Variants in ADAMTS5 observed in about 807,000 individuals in gnomAD.
The protein encoded by ADAMTS5 is ADAM metallopeptidase with thrombospondin type 1 motif 5, also known as A disintegrin and metalloproteinase with thrombospondin motifs 5.
Under a neutral mutation model 81.4 loss-of-function variants are expected in ADAMTS5, and 54 were observed. The observed-to-expected ratio is 0.66, with a 90% CI of 0.53 to 0.83. The LOEUF (loss-of-function observed/expected upper bound fraction) is 0.83. Ranked by LOEUF, ADAMTS5 falls within the 40% of genes least tolerant of loss-of-function variation. The pLI, the probability that ADAMTS5 is intolerant of heterozygous loss-of-function variation, is 0.00. For synonymous variants in ADAMTS5, 532 were observed against 508.8 expected (o/e 1.05, Z -0.61); for missense variants, 1,194 against 1,229.9 (o/e 0.97, Z 0.44).
At chr21:26,956,588 T>A (rs1417994991) in intron 1 of ADAMTS5, among the ~76,000 whole-genome samples, 1 of 152,196 alleles carries the variant, frequency 6.6e-6, no homozygotes, top group Non-Finnish European at 1.5e-5. Context: ...ATCATTTCAC[T>A]ATCTCTAGGA....
intron 7 of ADAMTS5, among the ~76,000 whole-genome samples, chr21:26,927,464 T>C (rs144998268): frequency 5.9e-5 from 9 of 152,304 alleles, no homozygotes; most frequent in African/African-American, 2.2e-4. Context: ...TGCTCATTAA[T>C]AGCAGAAAGT....
rs1282907797 is a variant in ADAMTS5 at position 26,965,517 on chromosome 21, A to G, written c.875T>C (p.Leu292Pro). The G allele has an allele frequency of 6.2e-7, 1 of 1,614,170 alleles. No individual in the cohort carries two copies. The highest frequency in any genetic ancestry group is 1.1e-5 in the South Asian group (1 of 91,090). The change falls in exon 1 of 8, where the codon CTG (leucine) becomes CCG (proline). Residue 292 changes from leucine (L) to proline (P), a missense_variant. Physicochemically the swap from Leu to Pro is moderately conservative, Grantham distance 98. This residue lies in a region of ADAMTS5 where 696 missense variants were observed against 817.6 expected (regional missense o/e 0.85). Coordinates refer to ENST00000284987, the MANE Select transcript of ADAMTS5 (RefSeq NM_007038.5). ...LYGRGLQHYLLTLASIANRLY... is the reference protein window; with the variant it reads ...LYGRGLQHYLPTLASIANRLY... Reference sequence around the variant, plus strand: ...CCTATTGGCGATGGAGGCCAGGGTCAGCAGGTAATGCTGCAGGCCCCGGCC... The same window carrying G: ...CCTATTGGCGATGGAGGCCAGGGTCGGCAGGTAATGCTGCAGGCCCCGGCC...
At chr21:26,927,757 C>G (rs1400222551) in intron 7 of ADAMTS5, among the ~76,000 whole-genome samples, 1 of 151,894 alleles carries the variant, frequency 6.6e-6, no homozygotes, top group African/African-American at 2.4e-5. Flanking sequence ...GATTGAGGAG[C>G]AAAGGATCCA....
At chr21:26,964,162 A>C (rs973147218) in intron 1 of ADAMTS5, among the ~76,000 whole-genome samples, 1 of 152,186 alleles carries the variant, frequency 6.6e-6, no homozygotes, top group Non-Finnish European at 1.5e-5. Context: ...TGGGTCTCAA[A>C]TACTTAAAGA....
intron 2 of ADAMTS5, among the ~76,000 whole-genome samples, chr21:26,947,727 G>T (rs561039189): frequency 1.2e-4 from 18 of 152,200 alleles, no homozygotes; most frequent in Admixed American, 3.3e-4. Context: ...GAACCACTGC[G>T]CCCGATCAGA....
chr21:26,961,039 G>A (rs1202709619), intron 1 of ADAMTS5, among the ~76,000 whole-genome samples: 1 of 152,174 alleles, frequency 6.6e-6, no homozygotes, highest in African/African-American at 2.4e-5. Context: ...TAAGAAAGGG[G>A]CTACTTTTTA....
At chr21:26,949,028 G>A (rs1987267761) in intron 2 of ADAMTS5, among the ~76,000 whole-genome samples, 1 of 152,118 alleles carries the variant, frequency 6.6e-6, no homozygotes. Context: ...ATTAGAATAT[G>A]TGCTTGACAT....
At position 26,952,278 on chromosome 21, in the gene ADAMTS5, C is replaced by T. The variant is rs77046146; in HGVS notation, c.1237+2461G>A. Among the ~76,000 whole-genome samples, 348 of 152,344 alleles carry T rather than the reference C, an allele frequency of 2.3e-3. 3 individuals are homozygous for T. The highest frequency in any genetic ancestry group is 7.0e-3 in the African/African-American group (293 of 41,586). On this transcript the variant is annotated intron_variant, in intron 2 of 7. Transcript: ENST00000284987. ...TTTCATACAGAAGCCCACCTTTCTC[C>T]TACGTTGTTTCCTTGTATAACTATG... is the stretch of plus-strand genomic sequence containing the variant.
intron 3 of ADAMTS5, among the ~76,000 whole-genome samples, chr21:26,936,432 C>T (rs1987015140): frequency 2.0e-5 from 3 of 152,128 alleles, no homozygotes; most frequent in African/African-American, 7.2e-5. Flanking sequence ...AGATGTACTA[C>T]AGTTATTCTT....
intron 2 of ADAMTS5, among the ~76,000 whole-genome samples, chr21:26,948,539 A>G (rs1436554919): frequency 1.3e-5 from 2 of 152,226 alleles, no homozygotes; most frequent in Non-Finnish European, 2.9e-5. Context: ...AACTGCTCAC[A>G]TGGAATCAGA....
intron 2 of ADAMTS5, among the ~76,000 whole-genome samples, chr21:26,949,374 C>T (rs917612770): frequency 6.6e-6 from 1 of 151,734 alleles, no homozygotes; most frequent in African/African-American, 2.4e-5. Context: ...TTATTTATTA[C>T]TTATTTATTT....
chr21:26,964,190 A>C (rs960019767), intron 1 of ADAMTS5, among the ~76,000 whole-genome samples: 8 of 152,186 alleles, frequency 5.3e-5, no homozygotes, highest in African/African-American at 1.9e-4. Flanking sequence ...TTAGAAGTCA[A>C]TTCTTACCAG....
chr21:26,954,928 C>T (rs939845790), intron 1 of ADAMTS5, 57 bp from the exon 2 acceptor site: 1 of 1,593,288 alleles, frequency 6.3e-7, no homozygotes, highest in South Asian at 1.1e-5. Flanking sequence ...AAGGAGCCGC[C>T]ACATAGAGCC....
chr21:26,939,807 C>T (rs1225986696), intron 3 of ADAMTS5: 1 of 152,184 alleles, frequency 6.6e-6, no homozygotes, highest in African/African-American at 2.4e-5. Flanking sequence ...TTTGCCAGTG[C>T]TTACCTTTAT....
chr21:26,966,482 A>C lies in ADAMTS5; in HGVS notation c.-91T>G. On this transcript the variant is annotated 5_prime_UTR_variant, in exon 1 of 8. Coordinates refer to ENST00000284987, the MANE Select transcript of ADAMTS5 (RefSeq NM_007038.5). ...AGTTAACGGGGCGGGGGATGGGGAC[A>C]CACACACACTTGCTTGCAGGATTGA... 1 of 1,277,018 alleles carries C rather than the reference A, an allele frequency of 7.8e-7. No homozygotes were observed. Among genetic ancestry groups the C allele is most frequent in the Non-Finnish European group, 1.0e-6 (1 of 987,790 alleles). The allele number at this position is 1,277,018 out of a possible 1,614,324, so 79.1% of individuals were successfully genotyped here. A position where few individuals can be genotyped will look rare whatever the true frequency, so the allele number is the denominator to read the frequency against.
rs1370596455 is a variant in ADAMTS5, at chr21:26,966,793, A to G, written c.-402T>C. 3.3e-5 allele frequency among the ~76,000 whole-genome samples: 5 copies of G among 152,144 alleles called. No individual in the cohort carries two copies. Among genetic ancestry groups the G allele is most frequent in the Non-Finnish European group, 7.4e-5 (5 of 68,022 alleles). On this transcript the variant is annotated 5_prime_UTR_variant, in exon 1 of 8. Transcript: ENST00000284987. ...AAAGGTACCGCGCACCGGGCTGGCA[A>G]CTGGTGCGCGCAGCCTCCCGCCCCC...
intron 6 of ADAMTS5, 122 bp downstream of exon 6, chr21:26,931,882 C>T (rs1986913712): frequency 4.2e-6 from 4 of 943,904 alleles, no homozygotes; most frequent in Non-Finnish European, 6.0e-6. Context: ...AAAATAAAAA[C>T]CTTCCAAAAT....
At chr21:26,936,842 C>A (rs187642534) in intron 3 of ADAMTS5, among the ~76,000 whole-genome samples, 1 of 152,078 alleles carries the variant, frequency 6.6e-6, no homozygotes, top group Non-Finnish European at 1.5e-5. Context: ...CAGAACTCCA[C>A]GAAAAACATT....
At position 26,921,169 on chromosome 21, in the gene ADAMTS5, C is replaced by G. The variant is rs1258006802; in HGVS notation, c.*2884G>C. ...AAATTACTTTTTTTCAGTGCTGCAACTTTTTTTTTGTTTGTGATTTATCCC... is the reference window on the plus strand; with the variant it reads ...AAATTACTTTTTTTCAGTGCTGCAAGTTTTTTTTTGTTTGTGATTTATCCC... On this transcript the variant is annotated 3_prime_UTR_variant, in exon 8 of 8. Coordinates refer to ENST00000284987, the MANE Select transcript of ADAMTS5 (RefSeq NM_007038.5). 6.6e-6 allele frequency: 1 copy of G among 151,590 alleles called. No individual in the cohort carries two copies. The highest frequency in any genetic ancestry group is 2.4e-5 in the African/African-American group (1 of 41,226). 9.4% of individuals were successfully genotyped at this position (151,590 alleles called of 1,614,324 possible). A position where few individuals can be genotyped will look rare whatever the true frequency, so the allele number is the denominator to read the frequency against.
Sources: allele counts gnomAD v4.1 joint callset (sites outside exome capture counted in the v4.1 genomes callset), GRCh38; gene constraint gnomAD v4.1.1; regional missense constraint gnomAD v4.1.1; transcripts MANE v1.5; gene names NCBI Gene and HGNC (gene_info 2026-07-23, HGNC 2026-07-21).